BCAS1: variants seen among roughly 807,000 people sequenced by gnomAD.
The protein encoded by BCAS1 is breast carcinoma-amplified sequence 1.
A neutral mutation model predicts 65.4 loss-of-function variants in BCAS1; 46 were observed. That is an observed-to-expected ratio of 0.70 (90% confidence interval 0.55 to 0.90). The LOEUF (loss-of-function observed/expected upper bound fraction) is 0.90, where lower values mean the gene tolerates loss of function less well. Among genes scored for constraint, BCAS1 ranks in the 40% least tolerant of loss-of-function variants. The pLI, the probability that BCAS1 is intolerant of heterozygous loss-of-function variation, is 0.00. For missense variants in BCAS1, 793 were observed against 771.2 expected, an observed-to-expected ratio of 1.03 and a Z score of -0.33; for synonymous variants, 298 against 293.5, an observed-to-expected ratio of 1.02 and a Z score of -0.16.
intron 3 of BCAS1, among the ~76,000 whole-genome samples, chr20:54,039,665 G>A (rs2091957006): frequency 6.6e-6 from 1 of 151,184 alleles, no homozygotes; most frequent in Non-Finnish European, 1.5e-5. Context: ...TTCATTTAAA[G>A]ACAAATCAGA....
chr20:54,050,674 C>T (rs1429306629), intron 3 of BCAS1, among the ~76,000 whole-genome samples: 2 of 152,242 alleles, frequency 1.3e-5, no homozygotes, highest in Non-Finnish European at 1.5e-5. Context: ...AACGTGTCAT[C>T]TCACTTGCCC....
At chr20:53,973,559 C>CT (rs1361365549) in intron 9 of BCAS1, among the ~76,000 whole-genome samples, 2 of 152,184 alleles carry the variant, frequency 1.3e-5, no homozygotes, top group Non-Finnish European at 2.9e-5. Flanking sequence ...AAACAAGCAA[C>CT]TACACACAAA....
At chr20:54,008,516 A>AC (rs1206689587) in intron 4 of BCAS1, among the ~76,000 whole-genome samples, 1 of 151,972 alleles carries the variant, frequency 6.6e-6, no homozygotes, top group African/African-American at 2.4e-5. Flanking sequence ...TAAGGAGTAT[A>AC]CCCCCGCCCC....
At chr20:53,988,579 T>C (rs73124061) in intron 7 of BCAS1, among the ~76,000 whole-genome samples, 231 of 152,352 alleles carry the variant, frequency 1.5e-3, no homozygotes, top group African/African-American at 4.2e-3. Flanking sequence ...GATGCCTGTA[T>C]ACAAAGTGCA....
chr20:53,974,125 G>T (rs1005384049), intron 9 of BCAS1, among the ~76,000 whole-genome samples: 1 of 152,130 alleles, frequency 6.6e-6, no homozygotes, highest in African/African-American at 2.4e-5. Context: ...TCAGCACTCT[G>T]TAAAATGGAC....
chr20:54,044,963 C>A (rs115268198), intron 3 of BCAS1, among the ~76,000 whole-genome samples: 48 of 152,038 alleles, frequency 3.2e-4, no homozygotes, highest in African/African-American at 1.1e-3. Context: ...CTAATCCCAG[C>A]AATGTGGGAG....
chr20:54,043,431 G>A (rs1213100755), intron 3 of BCAS1, among the ~76,000 whole-genome samples: 1 of 152,098 alleles, frequency 6.6e-6, no homozygotes, highest in Non-Finnish European at 1.5e-5. Context: ...TCTGCTGATG[G>A]TTTGGCCAAC....
At chr20:54,002,885 A>G (rs1780588202) in intron 4 of BCAS1, among the ~76,000 whole-genome samples, 1 of 152,180 alleles carries the variant, frequency 6.6e-6, no homozygotes, top group South Asian at 2.1e-4. Context: ...ATCAGTACCC[A>G]TCATACTGAA....
chr20:54,021,957 C>T (rs2091569063), intron 4 of BCAS1, among the ~76,000 whole-genome samples: 1 of 152,174 alleles, frequency 6.6e-6, no homozygotes, highest in Admixed American at 6.5e-5. Context: ...GACACAAAGA[C>T]ACAAAGTGAA....
At chr20:54,056,618 C>A (rs974647586) in intron 3 of BCAS1, among the ~76,000 whole-genome samples, 3 of 152,034 alleles carry the variant, frequency 2.0e-5, no homozygotes, top group Non-Finnish European at 4.4e-5. Context: ...TTTAAAAGAA[C>A]CTTCTACAGA....
chr20:53,997,737 G>T (rs780154093), intron 4 of BCAS1, among the ~76,000 whole-genome samples: 1 of 152,136 alleles, frequency 6.6e-6, no homozygotes, highest in East Asian at 1.9e-4. Context: ...TTGGTGCACC[G>T]GAGGTTGTGA....
rs767672431 is a variant in BCAS1 at position 54,028,422 on chromosome 20, T to G, written c.693A>C (p.Ser231=). The part of the protein sequence containing the change: ...QDKVDEVPGL[S]GQSDDVPAGK... ...CTGCAGGGACATCATCGGACTGCCCTGATAAGCCAGGAACCTCATCCACCT... is the reference window on the plus strand; with the variant it reads ...CTGCAGGGACATCATCGGACTGCCCGGATAAGCCAGGAACCTCATCCACCT... The change falls in exon 4 of 13, where the codon TCA becomes TCC. Residue 231 remains serine, a synonymous_variant. Transcript: ENST00000688948. 6.2e-7 allele frequency: 1 copy of G among 1,614,110 alleles called. No individual in the cohort carries two copies. Among genetic ancestry groups the G allele is most frequent in the African/African-American group, 1.3e-5 (1 of 74,948 alleles).
At chr20:53,973,123 G>A (rs968606136) in intron 9 of BCAS1, among the ~76,000 whole-genome samples, 3 of 152,222 alleles carry the variant, frequency 2.0e-5, no homozygotes, top group Admixed American at 6.5e-5. Context: ...AGCTACTTGG[G>A]AGGCTGAGGC....
intron 10 of BCAS1, among the ~76,000 whole-genome samples, chr20:53,963,480 A>G (rs1036546947): frequency 1.1e-4 from 17 of 151,722 alleles, no homozygotes; most frequent in African/African-American, 4.1e-4. Flanking sequence ...GACTGTCTCA[A>G]AAAGAAAAAA....
At chr20:53,945,060 C>T in intron 12 of BCAS1, 64 bp from the exon 13 acceptor site, 1 of 1,349,006 alleles carries the variant, frequency 7.4e-7, no homozygotes, top group Non-Finnish European at 1.1e-6. Context: ...GCAACAATGG[C>T]CATTTATGTA....
intron 3 of BCAS1, among the ~76,000 whole-genome samples, chr20:54,033,095 G>C (rs930963907): frequency 6.6e-6 from 1 of 151,020 alleles, no homozygotes; most frequent in East Asian, 1.9e-4. Flanking sequence ...GAAGTTTTTT[G>C]AACTAATGAG....
chr20:53,954,738 A>T (rs187603822), intron 11 of BCAS1, among the ~76,000 whole-genome samples: 1 of 152,312 alleles, frequency 6.6e-6, no homozygotes, highest in Non-Finnish European at 1.5e-5. Context: ...GTCCAAAAAA[A>T]TATTTCTCCA....
In BCAS1 at chr20:54,037,879, T is replaced by C. The variant is rs2091925925; in HGVS notation, c.143-8907A>G. On this transcript the variant is annotated intron_variant, in intron 3 of 12. Coordinates refer to ENST00000688948, the MANE Select transcript of BCAS1 (RefSeq NM_001366298.2). ...AACAAAGTAGACAAAGTTTAGTTAA[T>C]AGAATTAGTGGATACCCAAGAAAAA... Among the ~76,000 whole-genome samples the C allele has an allele frequency of 1.3e-5, 2 of 151,198 alleles. 1 individual carries two copies. Among genetic ancestry groups the C allele is most frequent in the South Asian group, 4.2e-4 (2 of 4,788 alleles).
chr20:54,026,609 A>G (rs902449031), intron 4 of BCAS1, among the ~76,000 whole-genome samples: 2 of 152,342 alleles, frequency 1.3e-5, no homozygotes, highest in Middle Eastern at 3.4e-3. Flanking sequence ...TGGATGCCCA[A>G]GCAAAACAAA....
Sources: gnomAD v4.1 joint callset for allele counts (sites outside exome capture counted in the v4.1 genomes callset) on GRCh38, gnomAD v4.1.1 for gene constraint, MANE v1.5 for transcripts, NCBI Gene and HGNC (gene_info 2026-07-23, HGNC 2026-07-21) for gene names.